GLMN: variants seen among roughly 807,000 people sequenced by gnomAD.
GLMN encodes glomulin, FKBP associated protein.
GLMN carries 75 observed loss-of-function variants against 87.8 expected under a neutral mutation model. The observed-to-expected ratio is 0.85, with a 90% CI of 0.71 to 1.04. The LOEUF is 1.04. GLMN is among the 50% of genes least tolerant of loss of function. The pLI, the probability that GLMN is intolerant of heterozygous loss-of-function variation, is 0.00. For missense variants in GLMN, 588 were observed against 658.8 expected, an observed-to-expected ratio of 0.89 and a Z score of 1.18; for synonymous variants, 206 against 221.6, an observed-to-expected ratio of 0.93 and a Z score of 0.63.
the GLMN span, chr1:92,336,326 A>G: frequency 6.4e-7 from 1 of 1,563,270 alleles, no homozygotes; most frequent in Non-Finnish European, 8.8e-7. Flanking sequence ...TTTAAAATAA[A>G]TGTAATTTTT....
At chr1:92,258,888 TAAAAG>T (rs1007533503) in intron 16 of GLMN, among the ~76,000 whole-genome samples, 6 of 152,210 alleles carry the variant, frequency 3.9e-5, no homozygotes, top group African/African-American at 7.2e-5. Flanking sequence ...TCCCAGAACT[TAAAAG>T]TATTGAAAAA....
the GLMN span, among the ~76,000 whole-genome samples, chr1:92,358,041 G>C: frequency 0.84 from 128,079 of 152,186 alleles, 54,119 homozygotes; most frequent in East Asian, 1. Context: ...ATCCTCCCTT[G>C]ATGTAAGTTT....
intron 10 of GLMN, 34 bp downstream of exon 10, chr1:92,268,071 T>G (rs769368413): frequency 7.1e-7 from 1 of 1,402,160 alleles, no homozygotes; most frequent in Non-Finnish European, 1.0e-6. Flanking sequence ...GACATAACTA[T>G]GTATTTAAGT....
At position 92,288,682 on chromosome 1, in the gene GLMN, G is replaced by T. The variant is rs149086646; in HGVS notation, c.632+232C>A. ...GGCCCCAAGCAATCCTCTCACTTCA[G>T]TCTCCCAAAGTGATGGGATTACATG... On this transcript the variant is annotated intron_variant, in intron 6 of 18. Transcript: ENST00000370360. Among the ~76,000 whole-genome samples the T allele has an allele frequency of 3.9e-4, 59 of 152,156 alleles. No individual in the cohort carries two copies. In the East Asian group the frequency reaches 0.011, roughly 29 times the overall value.
At chr1:92,319,220 G>A in the GLMN span, among the ~76,000 whole-genome samples, 5 of 152,108 alleles carry the variant, frequency 3.3e-5, no homozygotes. Context: ...CTGATTTCCT[G>A]TAGCAGCTTA....
In GLMN at chr1:92,247,152, A is replaced by T; in HGVS notation, c.1586-8T>A. On this transcript the variant is annotated splice_region_variant and splice_polypyrimidine_tract_variant and intron_variant, in intron 17 of 18. Coordinates refer to ENST00000370360, the MANE Select transcript of GLMN (RefSeq NM_053274.3). ...CTTTAGATTTCTGGGCCTCTGTAAGAGAAGAAAAATCATGTGTGACACTTA... is the reference window on the plus strand; with the variant it reads ...CTTTAGATTTCTGGGCCTCTGTAAGTGAAGAAAAATCATGTGTGACACTTA... 2.1e-6 allele frequency: 3 copies of T among 1,414,868 alleles called. No homozygotes were observed. Among genetic ancestry groups the T allele is most frequent in the Non-Finnish European group, 2.0e-6 (2 of 1,000,630 alleles). The allele number at this position is 1,414,868 out of a possible 1,614,324, so 87.6% of individuals were successfully genotyped here.
the GLMN span, chr1:92,304,096 A>T: frequency 2.1e-4 from 309 of 1,498,398 alleles, no homozygotes; most frequent in South Asian, 8.7e-4. Context: ...CATTTTTTTT[A>T]AAATATAGGC....
chr1:92,305,417 A>G, the GLMN span, among the ~76,000 whole-genome samples: 6 of 129,202 alleles, frequency 4.6e-5, no homozygotes, highest in Non-Finnish European at 6.3e-5. Context: ...GGGGCAACAG[A>G]GTGAGGCTCC....
the GLMN span, among the ~76,000 whole-genome samples, chr1:92,305,512 A>G: frequency 6.6e-6 from 1 of 151,000 alleles, no homozygotes; most frequent in Non-Finnish European, 1.5e-5. Flanking sequence ...ATGGAAAATT[A>G]TAGGCCAAAG....
At chr1:92,312,383 C>T in the GLMN span, among the ~76,000 whole-genome samples, 2 of 150,576 alleles carry the variant, frequency 1.3e-5, no homozygotes, top group African/African-American at 4.9e-5. Flanking sequence ...CACACCACTG[C>T]ACTCCAGCCT....
the GLMN span, among the ~76,000 whole-genome samples, chr1:92,358,244 C>T: frequency 9.9e-5 from 15 of 152,198 alleles, no homozygotes; most frequent in African/African-American, 2.9e-4. Context: ...CCTCATCTCA[C>T]ACCATCCTAC....
the GLMN span, among the ~76,000 whole-genome samples, chr1:92,370,674 G>C: frequency 1.3e-5 from 2 of 151,972 alleles, no homozygotes; most frequent in Non-Finnish European, 2.9e-5. Context: ...TATTAAGAAA[G>C]GGTCTATTCT....
chr1:92,350,087 C>T, the GLMN span, among the ~76,000 whole-genome samples: 1 of 152,136 alleles, frequency 6.6e-6, no homozygotes, highest in African/African-American at 2.4e-5. Flanking sequence ...TGACCCATTC[C>T]CACTTCATTT....
chr1:92,256,053 A>G (rs931004948), intron 16 of GLMN, among the ~76,000 whole-genome samples: 3 of 152,152 alleles, frequency 2.0e-5, no homozygotes, highest in Non-Finnish European at 2.9e-5. Flanking sequence ...CACAATAAAA[A>G]TTGATAAAGG....
chr1:92,321,826 A>G, the GLMN span, among the ~76,000 whole-genome samples: 4 of 151,862 alleles, frequency 2.6e-5, no homozygotes, highest in Admixed American at 6.6e-5. Context: ...CTGTACAACA[A>G]TCAACCAGAA....
At chr1:92,317,595 A>T in the GLMN span, among the ~76,000 whole-genome samples, 1 of 152,216 alleles carries the variant, frequency 6.6e-6, no homozygotes, top group Admixed American at 6.5e-5. Context: ...ATTTGGGAAG[A>T]TGAAAAAGTG....
chr1:92,312,218 T>C, the GLMN span, among the ~76,000 whole-genome samples: 1 of 152,138 alleles, frequency 6.6e-6, no homozygotes, highest in Non-Finnish European at 1.5e-5. Flanking sequence ...GAGACCAGCC[T>C]GGGCAACATA....
intron 16 of GLMN, among the ~76,000 whole-genome samples, chr1:92,257,516 C>CCAAGA (rs1456307062): frequency 6.6e-6 from 1 of 152,116 alleles, no homozygotes; most frequent in Non-Finnish European, 1.5e-5. Flanking sequence ...GCTAAAGTAA[C>CCAAGA]CAAGACAGCA....
chr1:92,286,570 G>C lies in GLMN; in HGVS notation c.655C>G (p.Pro219Ala). 1 of 1,596,312 alleles carries C rather than the reference G, an allele frequency of 6.3e-7. No individual in the cohort carries two copies. The highest frequency in any genetic ancestry group is 2.2e-5 in the East Asian group (1 of 44,748). Reference protein sequence around the residue: ...LKFCFKSLKCPLLTAQFFEQS... With the variant: ...LKFCFKSLKCALLTAQFFEQS... ...TCAAAGAATTGTGCTGTCAGCAAAG[G>C]GCATTTCAAGCTTTTGAAACAACTA... Residue 219 changes from proline to alanine, a missense_variant, in exon 7 of 19, where the codon CCT becomes GCT. Coordinates refer to ENST00000370360, the MANE Select transcript of GLMN (RefSeq NM_053274.3).
Sources: allele counts gnomAD v4.1 joint callset (sites outside exome capture counted in the v4.1 genomes callset), GRCh38; gene constraint gnomAD v4.1.1; transcripts MANE v1.5; gene names NCBI Gene and HGNC (gene_info 2026-07-23, HGNC 2026-07-21).